Variants in EPHA6 observed in about 807,000 individuals in gnomAD.
EPHA6 encodes EPH receptor A6.
In EPHA6, 50 loss-of-function variants were observed where a neutral mutation model predicts 112.0. The ratio of observed to expected loss-of-function variants is 0.45; its 90% CI spans 0.36 to 0.56. The LOEUF is 0.56. Among genes scored for constraint, EPHA6 ranks in the 20% least tolerant of loss-of-function variants. The pLI is 0.00. For missense variants in EPHA6, 1,280 were observed against 1,417.4 expected (o/e 0.90, Z 1.56); for synonymous variants, 529 against 490.7 (o/e 1.08, Z -1.03).
At chr3:97,056,968 C>T (rs77951332) in intron 3 of EPHA6, among the ~76,000 whole-genome samples, 1 of 152,038 alleles carries the variant, frequency 6.6e-6, no homozygotes. Context: ...TATACACTTC[C>T]CATAAGAAAA....
At chr3:97,399,809 G>C (rs1018467675) in intron 5 of EPHA6, among the ~76,000 whole-genome samples, 1 of 151,500 alleles carries the variant, frequency 6.6e-6, no homozygotes, top group African/African-American at 2.4e-5. Context: ...TGAGTGGTTT[G>C]AGTTCCATGT....
chr3:97,375,912 A>G (rs1408352616), intron 5 of EPHA6, among the ~76,000 whole-genome samples: 1 of 152,174 alleles, frequency 6.6e-6, no homozygotes, highest in Non-Finnish European at 1.5e-5. Context: ...GTATGGGGAC[A>G]GTGGTGGAGG....
intron 5 of EPHA6, among the ~76,000 whole-genome samples, chr3:97,257,426 A>G (rs1209465187): frequency 6.6e-6 from 1 of 152,048 alleles, no homozygotes; most frequent in Non-Finnish European, 1.5e-5. Flanking sequence ...CCTAATATGC[A>G]TTACAAAAAA....
chr3:96,903,718 G>A (rs2038752679), intron 2 of EPHA6, among the ~76,000 whole-genome samples: 1 of 151,928 alleles, frequency 6.6e-6, no homozygotes, highest in Non-Finnish European at 1.5e-5. Context: ...TCTGACAGAG[G>A]GCTAATATCC....
intron 12 of EPHA6, among the ~76,000 whole-genome samples, chr3:97,605,370 T>C (rs553449358): frequency 3.3e-5 from 5 of 151,586 alleles, no homozygotes; most frequent in Non-Finnish European, 7.4e-5. Context: ...CTTCTAGGAT[T>C]TTTATAGTTT....
At chr3:97,425,426 G>A (rs1309890973) in intron 6 of EPHA6, among the ~76,000 whole-genome samples, 1 of 152,220 alleles carries the variant, frequency 6.6e-6, no homozygotes, top group Non-Finnish European at 1.5e-5. Context: ...AAAGTTTGGG[G>A]CTTGCACCCC....
At position 97,749,552 on chromosome 3, in the gene EPHA6, G is replaced by A. The variant is rs2035844147; in HGVS notation, c.*851G>A. On this transcript the variant is annotated 3_prime_UTR_variant, in exon 18 of 18. Coordinates refer to ENST00000389672, the MANE Select transcript of EPHA6 (RefSeq NM_001080448.3). ...GATCTAATGGCTTTCATAGAGAAAA[G>A]CTTGGGATAAATCCATGACTATTTC... is the stretch of plus-strand genomic sequence containing the variant. 6.6e-6 allele frequency among the ~76,000 whole-genome samples: 1 copy of A among 152,088 alleles called. No homozygotes were observed.
intron 4 of EPHA6, among the ~76,000 whole-genome samples, chr3:97,235,522 T>G (rs142439770): frequency 3.3e-5 from 5 of 152,264 alleles, no homozygotes; most frequent in African/African-American, 9.6e-5. Context: ...CTTATCCTTT[T>G]AGTTAAGACT....
At chr3:97,615,957 C>A (rs1486075224) in intron 13 of EPHA6, among the ~76,000 whole-genome samples, 1 of 152,186 alleles carries the variant, frequency 6.6e-6, no homozygotes, top group Admixed American at 6.5e-5. Flanking sequence ...CAGGACACAG[C>A]TACTCTACAA....
intron 3 of EPHA6, among the ~76,000 whole-genome samples, chr3:97,037,176 T>G (rs963275463): frequency 1.3e-5 from 2 of 152,108 alleles, no homozygotes; most frequent in African/African-American, 4.8e-5. Flanking sequence ...AAGAAGAAAA[T>G]GATAATACAA....
At position 97,138,264 on chromosome 3, in the gene EPHA6, C is replaced by T. The variant is rs1034052794; in HGVS notation, c.1115-88000C>T. ...GAGCCACTGCTTGAACTCACACGGA[C>T]CCCGCTGAGCAACTGCAGCAAAGCA... is the stretch of plus-strand genomic sequence containing the variant. On this transcript the variant is annotated intron_variant, in intron 3 of 17. Coordinates refer to ENST00000389672, the MANE Select transcript of EPHA6 (RefSeq NM_001080448.3). Among the ~76,000 whole-genome samples, 3 of 152,138 alleles carry T rather than the reference C, an allele frequency of 2.0e-5. No homozygotes were observed. In the South Asian group the frequency reaches 6.2e-4, roughly 31 times the overall value.
At chr3:97,010,672 T>A (rs1355121657) in intron 3 of EPHA6, among the ~76,000 whole-genome samples, 1 of 152,124 alleles carries the variant, frequency 6.6e-6, no homozygotes, top group Admixed American at 6.6e-5. Context: ...ATTTATTTAT[T>A]TATTTTGAGG....
chr3:97,599,004 C>T (rs1045332996), intron 12 of EPHA6, among the ~76,000 whole-genome samples: 20 of 152,086 alleles, frequency 1.3e-4, no homozygotes, highest in African/African-American at 4.3e-4. Context: ...ATTTGCATTT[C>T]TCTGATGACC....
intron 3 of EPHA6, among the ~76,000 whole-genome samples, chr3:97,119,793 A>G (rs2047992085): frequency 6.6e-6 from 1 of 152,000 alleles, no homozygotes; most frequent in South Asian, 2.1e-4. Context: ...TAATCTGTCA[A>G]ATGGTTTATG....
chr3:97,120,723 A>G (rs2048017566), intron 3 of EPHA6, among the ~76,000 whole-genome samples: 1 of 151,992 alleles, frequency 6.6e-6, no homozygotes, highest in Non-Finnish European at 1.5e-5. Flanking sequence ...TTTCTAGATC[A>G]TAATACCATG....
At chr3:96,895,854 C>T (rs1175144838) in intron 2 of EPHA6, among the ~76,000 whole-genome samples, 1 of 152,160 alleles carries the variant, frequency 6.6e-6, no homozygotes, top group Non-Finnish European at 1.5e-5. Flanking sequence ...TGTCTTCACA[C>T]AGGCTTCTTA....
intron 1 of EPHA6, among the ~76,000 whole-genome samples, chr3:96,835,638 C>T (rs1477165342): frequency 6.6e-6 from 1 of 151,958 alleles, no homozygotes; most frequent in African/African-American, 2.4e-5. Context: ...GTGGTTTTTG[C>T]TTTATCAAGA....
At chr3:97,161,843 A>G (rs1396988920) in intron 3 of EPHA6, among the ~76,000 whole-genome samples, 1 of 152,190 alleles carries the variant, frequency 6.6e-6, no homozygotes, top group Non-Finnish European at 1.5e-5. Context: ...GTAATGGACC[A>G]ATGTTGTATG....
At chr3:96,957,201 A>G (rs1249029380) in intron 2 of EPHA6, among the ~76,000 whole-genome samples, 3 of 152,194 alleles carry the variant, frequency 2.0e-5, no homozygotes, top group African/African-American at 7.2e-5. Context: ...GAAAATTTGG[A>G]TAAGAGTAAT....
Sources: allele counts gnomAD v4.1 joint callset (sites outside exome capture counted in the v4.1 genomes callset), GRCh38; gene constraint gnomAD v4.1.1; transcripts MANE v1.5; gene names NCBI Gene and HGNC (gene_info 2026-07-23, HGNC 2026-07-21).